DYM: variants seen among roughly 807,000 people sequenced by gnomAD.
DYM encodes dyggve-Melchior-Clausen syndrome protein.
DYM carries 78 observed loss-of-function variants against 93.1 expected under a neutral mutation model. That is an observed-to-expected ratio of 0.84 (90% confidence interval 0.70 to 1.01). The LOEUF (loss-of-function observed/expected upper bound fraction) is 1.01. DYM is among the 50% of genes least tolerant of loss of function. The pLI is 0.00. For synonymous variants in DYM, 321 were observed against 319.7 expected (o/e 1.00, Z -0.04); for missense variants, 789 against 845.0 (o/e 0.93, Z 0.82).
chr18:49,213,375 C>A (rs147334961), intron 13 of DYM, among the ~76,000 whole-genome samples: 3,148 of 151,282 alleles, frequency 0.021, 114 homozygotes, highest in African/African-American at 0.07. Flanking sequence ...CGGCTCACTG[C>A]AACCTCCGCC....
intron 2 of DYM, among the ~76,000 whole-genome samples, chr18:49,392,705 A>T (rs2069421785): frequency 7.1e-6 from 1 of 140,704 alleles, no homozygotes; most frequent in African/African-American, 2.5e-5. Flanking sequence ...AAAAAAAAAA[A>T]AAAAAGAGGC....
At chr18:49,333,630 TG>T in intron 7 of DYM, 97 bp downstream of exon 7, 1 of 1,306,212 alleles carries the variant, frequency 7.7e-7, no homozygotes, top group Non-Finnish European at 1.1e-6. Context: ...AGGAAATACC[TG>T]GTTGGAGATA....
At chr18:49,437,607 A>C (rs568391075) in intron 1 of DYM, among the ~76,000 whole-genome samples, 1 of 152,334 alleles carries the variant, frequency 6.6e-6, no homozygotes, top group East Asian at 1.9e-4. Context: ...TTGCTGGGTC[A>C]AAGGGTATAT....
chr18:49,255,925 C>CA (rs1222971733), intron 13 of DYM, among the ~76,000 whole-genome samples: 59 of 148,586 alleles, frequency 4.0e-4, no homozygotes, highest in South Asian at 3.6e-3. Context: ...ACTAAAAATA[C>CA]AAAAAAAAAT....
chr18:49,049,378 A>C (rs1463335604), intron 17 of DYM, among the ~76,000 whole-genome samples: 2 of 152,226 alleles, frequency 1.3e-5, no homozygotes, highest in African/African-American at 2.4e-5. Flanking sequence ...CACAGGACTA[A>C]AAATACAGCC....
At chr18:49,222,634 G>T (rs2093405199) in intron 13 of DYM, among the ~76,000 whole-genome samples, 1 of 151,962 alleles carries the variant, frequency 6.6e-6, no homozygotes, top group African/African-American at 2.4e-5. Flanking sequence ...ATGAACAGAG[G>T]TTCATAATAA....
chr18:49,278,623 C>A (rs1214076153), intron 10 of DYM, among the ~76,000 whole-genome samples: 1 of 152,066 alleles, frequency 6.6e-6, no homozygotes, highest in Non-Finnish European at 1.5e-5. Flanking sequence ...TGGAGCCCTT[C>A]ATGAAATATT....
At chr18:49,191,607 T>C (rs1008498395) in intron 14 of DYM, among the ~76,000 whole-genome samples, 6 of 151,946 alleles carry the variant, frequency 3.9e-5, no homozygotes, top group Non-Finnish European at 7.4e-5. Flanking sequence ...CCAAGAAAAA[T>C]GGTTTTGAGT....
chr18:49,189,781 T>C (rs2090797276), intron 14 of DYM, among the ~76,000 whole-genome samples: 1 of 152,128 alleles, frequency 6.6e-6, no homozygotes, highest in African/African-American at 2.4e-5. Flanking sequence ...GAAAACTAGA[T>C]GGTGAGGGTG....
At chr18:49,444,029 G>C (rs1315232434) in intron 1 of DYM, among the ~76,000 whole-genome samples, 1 of 152,196 alleles carries the variant, frequency 6.6e-6, no homozygotes, top group Non-Finnish European at 1.5e-5. Flanking sequence ...GCTAAGATGT[G>C]TAACAACTGA....
intron 17 of DYM, among the ~76,000 whole-genome samples, chr18:49,056,306 C>T (rs1201646362): frequency 1.3e-5 from 2 of 152,170 alleles, no homozygotes; most frequent in East Asian, 1.9e-4. Context: ...AAAGAGAATA[C>T]TTGAAACTCT....
chr18:49,354,585 C>T (rs1248660368), intron 6 of DYM, among the ~76,000 whole-genome samples: 1 of 151,968 alleles, frequency 6.6e-6, no homozygotes, highest in Non-Finnish European at 1.5e-5. Flanking sequence ...ACTCTCAAAA[C>T]TCAGCAAGAA....
intron 1 of DYM, among the ~76,000 whole-genome samples, chr18:49,435,327 A>T (rs75222870): frequency 0.091 from 13,835 of 151,802 alleles, 849 homozygotes; most frequent in East Asian, 0.31. Flanking sequence ...TATTGTGCAA[A>T]CTGTGAAGTG....
At chr18:49,094,840 A>G (rs2079399029) in intron 17 of DYM, among the ~76,000 whole-genome samples, 1 of 152,206 alleles carries the variant, frequency 6.6e-6, no homozygotes, top group African/African-American at 2.4e-5. Context: ...CTTTTGGCTC[A>G]TCGGCTTCAG....
chr18:49,395,081 A>C (rs2069878323), intron 2 of DYM, among the ~76,000 whole-genome samples: 1 of 152,226 alleles, frequency 6.6e-6, no homozygotes, highest in African/African-American at 2.4e-5. Context: ...TGGTCTGGGC[A>C]AGGACTTGTT....
At chr18:49,271,185 G>A (rs776503114) in intron 11 of DYM, among the ~76,000 whole-genome samples, 1 of 152,124 alleles carries the variant, frequency 6.6e-6, no homozygotes, top group Non-Finnish European at 1.5e-5. Flanking sequence ...TTTCAGTTCT[G>A]TTGAAGTATT....
intron 6 of DYM, among the ~76,000 whole-genome samples, chr18:49,360,259 CA>C (rs5824786): frequency 0.13 from 15,523 of 115,230 alleles, 988 homozygotes; most frequent in African/African-American, 0.24. Flanking sequence ...TCAATAAAGG[CA>C]AAAAAAAAAA....
chr18:49,086,541 A>G (rs983347666), intron 17 of DYM, among the ~76,000 whole-genome samples: 8 of 152,182 alleles, frequency 5.3e-5, no homozygotes, highest in Non-Finnish European at 1.0e-4. Context: ...CCACAGCACC[A>G]TGGTCTGGAG....
chr18:49,328,760 A>T (rs372851571), intron 8 of DYM, among the ~76,000 whole-genome samples: 382 of 152,278 alleles, frequency 2.5e-3, no homozygotes, highest in South Asian at 0.01. Context: ...TTAGAATGGC[A>T]ATCATTGAAA....
Sources: allele counts gnomAD v4.1 joint callset (sites outside exome capture counted in the v4.1 genomes callset), GRCh38; gene constraint gnomAD v4.1.1; transcripts MANE v1.5; gene names NCBI Gene and HGNC (gene_info 2026-07-23, HGNC 2026-07-21).